IMMP2L: variants seen among roughly 807,000 people sequenced by gnomAD.
IMMP2L encodes the protein inner mitochondrial membrane peptidase subunit 2.
A neutral mutation model predicts 19.3 loss-of-function variants in IMMP2L; 18 were observed. The observed-to-expected ratio is 0.93, with a 90% confidence interval of 0.64 to 1.38. The LOEUF is 1.38. Among genes scored for constraint, IMMP2L ranks in the 40% most tolerant of loss-of-function variants. The pLI is 0.00. For missense variants in IMMP2L, 233 were observed against 218.2 expected, an observed-to-expected ratio of 1.07 and a Z score of -0.43; for synonymous variants, 76 against 73.0, an observed-to-expected ratio of 1.04 and a Z score of -0.21.
At chr7:110,930,405 G>A (rs1368414224) in intron 4 of IMMP2L, among the ~76,000 whole-genome samples, 1 of 151,774 alleles carries the variant, frequency 6.6e-6, no homozygotes, top group Admixed American at 6.6e-5. Flanking sequence ...ACTCATAAAA[G>A]CAAATGATAG....
chr7:110,883,675 T>C (rs1290448294), intron 5 of IMMP2L, among the ~76,000 whole-genome samples: 1 of 152,134 alleles, frequency 6.6e-6, no homozygotes. Context: ...TGCCTTGAAA[T>C]GTATAAGCCA....
At chr7:110,959,821 T>A (rs1188805977) in intron 4 of IMMP2L, among the ~76,000 whole-genome samples, 2 of 151,904 alleles carry the variant, frequency 1.3e-5, no homozygotes, top group African/African-American at 4.8e-5. Context: ...ACCTTTTACA[T>A]CATCCAACTC....
intron 3 of IMMP2L, among the ~76,000 whole-genome samples, chr7:111,430,366 TA>T (rs1389121688): frequency 6.6e-6 from 1 of 151,524 alleles, no homozygotes; most frequent in East Asian, 1.9e-4. Flanking sequence ...GGTAAAAAAA[TA>T]AAAAGCATAT....
intron 3 of IMMP2L, among the ~76,000 whole-genome samples, chr7:111,125,818 T>C (rs932107541): frequency 8.9e-5 from 9 of 101,668 alleles, no homozygotes; most frequent in African/African-American, 4.5e-4. Context: ...GGCCGCTTGC[T>C]TTTTTTTTTT....
chr7:110,670,552 CA>C lies in IMMP2L; in HGVS notation c.409-6832del, dbSNP rs559118541. 1.1e-4 allele frequency among the ~76,000 whole-genome samples: 16 copies of C among 151,918 alleles called. No individual in the cohort carries two copies. In the South Asian group the frequency reaches 3.3e-3, roughly 32 times the overall value. On this transcript the variant is annotated intron_variant, in intron 5 of 5. Coordinates refer to ENST00000405709, the MANE Select transcript of IMMP2L (RefSeq NM_032549.4). The stretch of plus-strand genomic sequence containing the variant: ...TAAAAATACAAAAATTAGCCAGATG[CA>C]GTGGCGCCTGCCTGTAATCCCAGCT...
chr7:111,007,067 G>C (rs1298604375), intron 3 of IMMP2L, among the ~76,000 whole-genome samples: 5 of 152,132 alleles, frequency 3.3e-5, no homozygotes, highest in East Asian at 3.9e-4. Flanking sequence ...TCAAGGAAAG[G>C]GGTTTAATTG....
intron 1 of IMMP2L, among the ~76,000 whole-genome samples, chr7:111,529,326 T>C (rs1170040224): frequency 6.6e-6 from 1 of 152,180 alleles, no homozygotes; most frequent in South Asian, 2.1e-4. Context: ...AAAGAAAAAC[T>C]GATGAATTAC....
In IMMP2L at chr7:111,123,303, G is replaced by A. The variant is rs1180688756; in HGVS notation, c.240-159738C>T. The A allele has an allele frequency of 1.2e-6, 2 of 1,613,812 alleles. No homozygotes were observed. The highest frequency in any genetic ancestry group is 1.7e-6 in the Non-Finnish European group (2 of 1,179,914). ...TTCATCTCAATTCAAATAGATTGCAGATGATCAACAGTAAGTGGTTTGATG... is the reference window on the plus strand; with the variant it reads ...TTCATCTCAATTCAAATAGATTGCAAATGATCAACAGTAAGTGGTTTGATG... On this transcript the variant is annotated intron_variant, in intron 3 of 5. Transcript: ENST00000405709. The surrounding 1 kb of genome is among the most constrained non-coding windows in gnomAD (Gnocchi z 6.4).
intron 5 of IMMP2L, among the ~76,000 whole-genome samples, chr7:110,885,366 A>G (rs1245611702): frequency 2.0e-5 from 3 of 151,928 alleles, no homozygotes; most frequent in Non-Finnish European, 4.4e-5. Context: ...TATATACGTT[A>G]AAAAGTATAG....
chr7:110,959,934 C>T (rs993976099), intron 4 of IMMP2L, among the ~76,000 whole-genome samples: 1 of 151,968 alleles, frequency 6.6e-6, no homozygotes, highest in Admixed American at 6.6e-5. Flanking sequence ...ACAACTTGTA[C>T]TTTTCCTCAG....
intron 3 of IMMP2L, among the ~76,000 whole-genome samples, chr7:111,226,421 G>T (rs1262929835): frequency 6.6e-6 from 1 of 152,004 alleles, no homozygotes; most frequent in African/African-American, 2.4e-5. Context: ...TCCTGCCTCA[G>T]CCTCCCAAAG....
rs906548019 is a variant in IMMP2L at position 110,758,691 on chromosome 7, G to A, written c.409-94970C>T. ...ACGTTAGTATATAATCAAGATCTTGGAGTTTAACTCACTGTTTTGTCACTG... is the reference window on the plus strand; with the variant it reads ...ACGTTAGTATATAATCAAGATCTTGAAGTTTAACTCACTGTTTTGTCACTG... On this transcript the variant is annotated intron_variant, in intron 5 of 5. Transcript: ENST00000405709. The surrounding 1 kb of genome is among the most constrained non-coding windows in gnomAD (Gnocchi z 4.6). Among the ~76,000 whole-genome samples the A allele has an allele frequency of 9.9e-5, 15 of 152,066 alleles. No homozygotes were observed. The highest frequency in any genetic ancestry group is 7.9e-4 in the Admixed American group (12 of 15,244).
Position 111,430,203 on chromosome 7 carries a change from A to G in IMMP2L, c.239+57035T>C, listed in dbSNP as rs940426264. ...AGCAAAATTAGAGAATACATAAGGTAAGGAATATTGAAAATTAATAACAAA... is the reference window on the plus strand; with the variant it reads ...AGCAAAATTAGAGAATACATAAGGTGAGGAATATTGAAAATTAATAACAAA... On this transcript the variant is annotated intron_variant, in intron 3 of 5. Transcript: ENST00000405709. 5.3e-5 allele frequency among the ~76,000 whole-genome samples: 8 copies of G among 151,910 alleles called. 1 individual carries two copies. Among genetic ancestry groups the G allele is most frequent in the African/African-American group, 1.9e-4 (8 of 41,198 alleles).
chr7:111,367,775 A>T (rs550644659), intron 3 of IMMP2L, among the ~76,000 whole-genome samples: 10 of 152,004 alleles, frequency 6.6e-5, no homozygotes, highest in African/African-American at 2.4e-4. Context: ...TGTAAACAAC[A>T]TGCTCCACTG....
intron 3 of IMMP2L, among the ~76,000 whole-genome samples, chr7:111,068,076 C>T (rs974830412): frequency 6.6e-6 from 1 of 151,758 alleles, no homozygotes; most frequent in Non-Finnish European, 1.5e-5. Flanking sequence ...AATCATAAAC[C>T]ATTTTGCACT....
chr7:111,553,240 C>A (rs917042934), intron 1 of IMMP2L, among the ~76,000 whole-genome samples: 1 of 152,102 alleles, frequency 6.6e-6, no homozygotes. Context: ...GAAAACAGAT[C>A]TGGAACCCAG....
chr7:110,859,749 C>CAA lies in IMMP2L; in HGVS notation c.408+26842_408+26843dup, dbSNP rs35255934. ...TGGGTGACAGAGTGAGACCCTGTCT[C>CAA]AAAAAAAAAAAAAAATACGTTGTTT... On this transcript the variant is annotated intron_variant, in intron 5 of 5. Coordinates refer to ENST00000405709, the MANE Select transcript of IMMP2L (RefSeq NM_032549.4). Among the ~76,000 whole-genome samples the CAA allele has an allele frequency of 9.3e-3, 866 of 92,896 alleles. 7 individuals carry two copies. Among genetic ancestry groups the CAA allele is most frequent in the African/African-American group, 0.026 (650 of 25,352 alleles). 60.9% of individuals were successfully genotyped at this position (92,896 alleles called of 152,430 possible).
At chr7:111,539,902 A>G (rs1014349091) in intron 1 of IMMP2L, among the ~76,000 whole-genome samples, 2 of 152,156 alleles carry the variant, frequency 1.3e-5, no homozygotes, top group African/African-American at 4.8e-5. Flanking sequence ...GGTAGAGGGA[A>G]AACAAAATGG....
chr7:111,231,349 T>TCACTCTTAACAG (rs1403124094), intron 3 of IMMP2L, among the ~76,000 whole-genome samples: 1 of 152,030 alleles, frequency 6.6e-6, no homozygotes, highest in Non-Finnish European at 1.5e-5. Flanking sequence ...ACTGTAGCCT[T>TCACTCTTAACAG]CACTCTTAAC....
Sources: allele counts gnomAD v4.1 joint callset (sites outside exome capture counted in the v4.1 genomes callset), GRCh38; gene constraint gnomAD v4.1.1; non-coding constraint Gnocchi (gnomAD v3.1); transcripts MANE v1.5; gene names NCBI Gene and HGNC (gene_info 2026-07-23, HGNC 2026-07-21).